RNF6: variants seen among roughly 807,000 people sequenced by gnomAD.
The protein encoded by RNF6 is E3 ubiquitin-protein ligase RNF6.
A neutral mutation model predicts 50.1 loss-of-function variants in RNF6; 21 were observed. The ratio of observed to expected loss-of-function variants is 0.42; its 90% CI spans 0.30 to 0.60. The LOEUF (loss-of-function observed/expected upper bound fraction) is 0.60. Among genes scored for constraint, RNF6 ranks in the 20% least tolerant of loss-of-function variants. The pLI is 0.20. For synonymous variants in RNF6, 255 were observed against 291.8 expected, an observed-to-expected ratio of 0.87 and a Z score of 1.29; for missense variants, 698 against 838.2, an observed-to-expected ratio of 0.83 and a Z score of 2.07.
At chr13:26,202,569 T>A (rs1868937358) in intron 5 of RNF6, among the ~76,000 whole-genome samples, 1 of 152,162 alleles carries the variant, frequency 6.6e-6, no homozygotes, top group Non-Finnish European at 1.5e-5. Context: ...AGGAAATATT[T>A]TAGCAATGAC....
At chr13:26,144,343 G>A (rs1343026172) in intron 5 of RNF6, among the ~76,000 whole-genome samples, 1 of 151,652 alleles carries the variant, frequency 6.6e-6, no homozygotes, top group Non-Finnish European at 1.5e-5. Flanking sequence ...CCTTTGCTGA[G>A]GTGACCCCTT....
At chr13:26,176,505 A>G (rs571237093) in intron 5 of RNF6, among the ~76,000 whole-genome samples, 1 of 152,336 alleles carries the variant, frequency 6.6e-6, no homozygotes, top group Admixed American at 6.5e-5. Flanking sequence ...TGTCCTTCAA[A>G]AAGATATGTT....
intron 5 of RNF6, among the ~76,000 whole-genome samples, chr13:26,192,952 A>T (rs1304519079): frequency 1.3e-5 from 2 of 152,224 alleles, no homozygotes; most frequent in Non-Finnish European, 2.9e-5. Flanking sequence ...GTTTGCAGTA[A>T]TTTGTTACAC....
rs557546007 is a variant in RNF6, at chr13:26,134,211, C to T, written n.769-1760G>A. ...CTGCCATCCACATCGTCTCCACTGA[C>T]ACTATGAAAAGAGGGAAGGACTTCA... is the stretch of plus-strand genomic sequence containing the variant. On this transcript the variant is annotated intron_variant and non_coding_transcript_variant, in intron 5 of 5. Transcript: ENST00000468480. Among the ~76,000 whole-genome samples the T allele has an allele frequency of 2.0e-5, 3 of 152,350 alleles. No homozygotes were observed. The East Asian group carries it at 5.8e-4, about 29-fold the overall frequency.
intron 5 of RNF6, among the ~76,000 whole-genome samples, chr13:26,145,369 T>C (rs898387331): frequency 3.3e-5 from 5 of 149,602 alleles, no homozygotes; most frequent in Non-Finnish European, 3.0e-5. Flanking sequence ...TTTGGCTTTG[T>C]GTCCCCACCC....
At chr13:26,137,115 G>T (rs1870684016) in intron 5 of RNF6, among the ~76,000 whole-genome samples, 2 of 152,072 alleles carry the variant, frequency 1.3e-5, no homozygotes, top group Non-Finnish European at 2.9e-5. Flanking sequence ...CTGTTTGATG[G>T]TTCTCTAGAA....
rs768905750 is a variant in RNF6, at chr13:26,219,580, CATG to C, written c.67_69del (p.His23del). ...TCTTGCTGCCATCTTCTCTCATTTT[CATG>C]ATGATTATGGTCTTGAGGTAAGGTT... is the stretch of plus-strand genomic sequence containing the variant. On this transcript the variant is annotated inframe_deletion, in exon 3 of 5. Coordinates refer to ENST00000381588, the MANE Select transcript of RNF6 (RefSeq NM_005977.4). 1.9e-6 allele frequency: 3 copies of C among 1,614,026 alleles called. No homozygotes were observed. In the Admixed American group the frequency reaches 5.0e-5, roughly 27 times the overall value.
At chr13:26,164,636 G>A (rs2137617417) in intron 5 of RNF6, among the ~76,000 whole-genome samples, 1 of 151,860 alleles carries the variant, frequency 6.6e-6, no homozygotes. Flanking sequence ...ATAAACCACT[G>A]TTATTTTGTG....
intron 5 of RNF6, among the ~76,000 whole-genome samples, chr13:26,149,860 ATGTGTG>A (rs200739419): frequency 5.1e-5 from 6 of 116,780 alleles, no homozygotes; most frequent in South Asian, 2.8e-4. Flanking sequence ...TGTATATATA[ATGTGTG>A]TGTGTATATA....
intron 5 of RNF6, among the ~76,000 whole-genome samples, chr13:26,191,859 C>T (rs188606824): frequency 3.9e-5 from 6 of 152,202 alleles, no homozygotes; most frequent in Admixed American, 1.3e-4. Context: ...TTTACAATTT[C>T]GTACAGATTA....
chr13:26,163,116 C>G (rs1423346861), intron 5 of RNF6, among the ~76,000 whole-genome samples: 1 of 151,958 alleles, frequency 6.6e-6, no homozygotes, highest in Non-Finnish European at 1.5e-5. Flanking sequence ...CGAGACCATC[C>G]TGGTTAACAC....
At chr13:26,138,307 C>T (rs190127886) in intron 5 of RNF6, among the ~76,000 whole-genome samples, 1 of 152,198 alleles carries the variant, frequency 6.6e-6, no homozygotes, top group East Asian at 1.9e-4. Context: ...TAAACAAAAA[C>T]TGAGAGACGT....
chr13:26,204,771 T>C (rs1481037700), intron 5 of RNF6, among the ~76,000 whole-genome samples: 1 of 152,162 alleles, frequency 6.6e-6, no homozygotes, highest in African/African-American at 2.4e-5. Flanking sequence ...ATTCATCTAA[T>C]TAAAAATGAG....
At chr13:26,221,197 T>C (rs999539966) in intron 2 of RNF6, 51 bp downstream of exon 2, 1 of 152,252 alleles carries the variant, frequency 6.6e-6, no homozygotes, top group African/African-American at 2.4e-5. Context: ...GAGCTTCTCC[T>C]TAAAGGTAAT....
chr13:26,221,692 G>A (rs1259561909), intron 1 of RNF6: 1 of 152,152 alleles, frequency 6.6e-6, no homozygotes, highest in Non-Finnish European at 1.5e-5. Context: ...TCCCGCTACT[G>A]GTTTCTTTCC....
intron 5 of RNF6, among the ~76,000 whole-genome samples, chr13:26,194,219 T>C (rs1238352897): frequency 1.3e-5 from 2 of 152,180 alleles, no homozygotes; most frequent in Non-Finnish European, 1.5e-5. Context: ...AATTAAATTT[T>C]AACAGTGGTT....
At chr13:26,136,634 T>G (rs1286915413) in intron 5 of RNF6, among the ~76,000 whole-genome samples, 2 of 152,216 alleles carry the variant, frequency 1.3e-5, no homozygotes, top group African/African-American at 4.8e-5. Context: ...CTGACTTCTG[T>G]CTTTTGGCTG....
chr13:26,151,113 A>ACT (rs1251077891), intron 5 of RNF6, among the ~76,000 whole-genome samples: 1 of 152,218 alleles, frequency 6.6e-6, no homozygotes, highest in African/African-American at 2.4e-5. Flanking sequence ...ACGTGATAGA[A>ACT]AAGTCACCAG....
downstream of RNF6, among the ~76,000 whole-genome samples, chr13:26,207,868 G>A (rs1321711525): frequency 6.6e-6 from 1 of 152,188 alleles, no homozygotes. Flanking sequence ...GCCCCCACAC[G>A]GATGCAGAGC....
Sources: gnomAD v4.1 joint callset for allele counts (sites outside exome capture counted in the v4.1 genomes callset) on GRCh38, gnomAD v4.1.1 for gene constraint, MANE v1.5 for transcripts, NCBI Gene and HGNC (gene_info 2026-07-23, HGNC 2026-07-21) for gene names.